LYPLAL1: variants seen among roughly 807,000 people sequenced by gnomAD.
LYPLAL1 encodes lysophospholipase-like protein 1.
A neutral mutation model predicts 19.7 loss-of-function variants in LYPLAL1; 23 were observed. That is an observed-to-expected ratio of 1.17 (90% CI 0.84 to 1.65). The LOEUF (loss-of-function observed/expected upper bound fraction) is 1.65. LYPLAL1 is among the 40% of genes most tolerant of loss of function. The pLI is 0.00. For missense variants in LYPLAL1, 355 were observed against 279.4 expected (o/e 1.27, Z -1.93); for synonymous variants, 119 against 96.3 (o/e 1.24, Z -1.38).
At chr1:219,327,433 G>A in the LYPLAL1 span, among the ~76,000 whole-genome samples, 5 of 152,190 alleles carry the variant, frequency 3.3e-5, no homozygotes, top group Non-Finnish European at 7.4e-5. Context: ...AGGTCCTGAA[G>A]AAATGAAGCA....
chr1:219,246,303 G>A, the LYPLAL1 span, among the ~76,000 whole-genome samples: 19 of 152,044 alleles, frequency 1.2e-4, no homozygotes, highest in African/African-American at 4.3e-4. Context: ...CCTCTAATGA[G>A]ATCCTGTAGG....
At chr1:219,434,966 G>C in the LYPLAL1 span, among the ~76,000 whole-genome samples, 1 of 151,970 alleles carries the variant, frequency 6.6e-6, no homozygotes, top group Non-Finnish European at 1.5e-5. Context: ...CCTCATCATG[G>C]GAGAAAGCAT....
chr1:219,339,253 C>T, the LYPLAL1 span, among the ~76,000 whole-genome samples: 4 of 151,968 alleles, frequency 2.6e-5, no homozygotes, highest in Non-Finnish European at 5.9e-5. Flanking sequence ...GTCCCAGATC[C>T]TCTTCCTCCA....
At chr1:219,236,748 A>G in the LYPLAL1 span, among the ~76,000 whole-genome samples, 33 of 152,310 alleles carry the variant, frequency 2.2e-4, no homozygotes, top group African/African-American at 7.7e-4. Context: ...TGTAAGAGAA[A>G]TCACCTTAAA....
At chr1:219,314,632 G>A in the LYPLAL1 span, among the ~76,000 whole-genome samples, 1 of 152,080 alleles carries the variant, frequency 6.6e-6, no homozygotes, top group Non-Finnish European at 1.5e-5. Context: ...TTTTAGTAGA[G>A]ACGGGGTTTC....
At chr1:219,248,964 T>G in the LYPLAL1 span, among the ~76,000 whole-genome samples, 2 of 152,176 alleles carry the variant, frequency 1.3e-5, no homozygotes, top group South Asian at 2.1e-4. Context: ...TAAAAAAACA[T>G]GTACCCCTTC....
At chr1:219,181,479 G>A (rs1403856920) in intron 2 of LYPLAL1, among the ~76,000 whole-genome samples, 10 of 152,150 alleles carry the variant, frequency 6.6e-5, no homozygotes, top group Non-Finnish European at 1.0e-4. Flanking sequence ...AAACATAGAA[G>A]ATTTCCAACA....
the LYPLAL1 span, among the ~76,000 whole-genome samples, chr1:219,301,019 C>T: frequency 1.3e-5 from 2 of 151,142 alleles, no homozygotes; most frequent in African/African-American, 2.4e-5. Flanking sequence ...CCCAGGAATT[C>T]GAGACCAGCC....
chr1:219,221,792 C>T, the LYPLAL1 span, among the ~76,000 whole-genome samples: 1 of 152,168 alleles, frequency 6.6e-6, no homozygotes, highest in Non-Finnish European at 1.5e-5. Context: ...CTGGCTGTTT[C>T]CAATCAGTAA....
the LYPLAL1 span, among the ~76,000 whole-genome samples, chr1:219,351,278 G>A: frequency 6.6e-6 from 1 of 151,948 alleles, no homozygotes; most frequent in Non-Finnish European, 1.5e-5. Flanking sequence ...ATATCCTGCT[G>A]TTAAAATAAC....
chr1:219,308,756 A>G, the LYPLAL1 span, among the ~76,000 whole-genome samples: 8 of 152,220 alleles, frequency 5.3e-5, no homozygotes, highest in Admixed American at 5.2e-4. Flanking sequence ...AAACACCTGG[A>G]TGCCCAGGCA....
the LYPLAL1 span, among the ~76,000 whole-genome samples, chr1:219,353,035 G>C: frequency 2.6e-5 from 4 of 152,202 alleles, no homozygotes; most frequent in Non-Finnish European, 4.4e-5. Context: ...CTACAAAACC[G>C]GACTAAATTA....
the LYPLAL1 span, among the ~76,000 whole-genome samples, chr1:219,234,216 TAATA>T: frequency 6.6e-6 from 1 of 152,188 alleles, no homozygotes; most frequent in Non-Finnish European, 1.5e-5. Flanking sequence ...AAGAATATAC[TAATA>T]AATCATTATT....
chr1:219,282,101 GA>G, the LYPLAL1 span, among the ~76,000 whole-genome samples: 1 of 152,130 alleles, frequency 6.6e-6, no homozygotes, highest in Admixed American at 6.6e-5. Context: ...TGCAGACATT[GA>G]AAGAAACTTT....
At chr1:219,345,115 T>C in the LYPLAL1 span, among the ~76,000 whole-genome samples, 1 of 152,216 alleles carries the variant, frequency 6.6e-6, no homozygotes, top group Non-Finnish European at 1.5e-5. Flanking sequence ...GGAATATTTC[T>C]TTCTGTATTT....
At chr1:219,279,777 G>A in the LYPLAL1 span, among the ~76,000 whole-genome samples, 380 of 152,150 alleles carry the variant, frequency 2.5e-3, 2 homozygotes, top group South Asian at 0.023. Flanking sequence ...GAAAACCAAA[G>A]TCAAAAGGAT....
chr1:219,277,909 A>AACG, the LYPLAL1 span, among the ~76,000 whole-genome samples: 1 of 115,392 alleles, frequency 8.7e-6, no homozygotes, highest in South Asian at 3.7e-4. Context: ...CACTGTTTCC[A>AACG]AGGAGAAGAA....
At chr1:219,202,292 A>G (rs1658173283) in intron 3 of LYPLAL1, among the ~76,000 whole-genome samples, 1 of 152,180 alleles carries the variant, frequency 6.6e-6, no homozygotes, top group African/African-American at 2.4e-5. Flanking sequence ...CCATTATTAC[A>G]TACTTCATAC....
intron 1 of LYPLAL1, chr1:219,174,398 T>C: frequency 1.7e-6 from 1 of 596,568 alleles, no homozygotes; most frequent in Non-Finnish European, 2.2e-6. Context: ...TTTTCCAGGC[T>C]CCCATACTAA....
Sources: gnomAD v4.1 joint callset for allele counts (sites outside exome capture counted in the v4.1 genomes callset) on GRCh38, gnomAD v4.1.1 for gene constraint, MANE v1.5 for transcripts, NCBI Gene and HGNC (gene_info 2026-07-23, HGNC 2026-07-21) for gene names.